The following OPCML variants were observed in gnomAD, a reference collection of about 807,000 sequenced individuals.
OPCML encodes opioid binding protein/cell adhesion molecule like, also known as opioid-binding protein/cell adhesion molecule.
In OPCML, 13 loss-of-function variants were observed where a neutral mutation model predicts 37.8. That is an observed-to-expected ratio of 0.34 (90% CI 0.22 to 0.55). OPCML has a LOEUF of 0.55. OPCML is among the 20% of genes least tolerant of loss of function. The probability of loss-of-function intolerance (pLI) is 0.91; values close to 1 mark genes in which losing one functional copy is unlikely to be tolerated. For missense variants in OPCML, 341 were observed against 435.6 expected (o/e 0.78, Z 1.93); for synonymous variants, 176 against 168.8 (o/e 1.04, Z -0.33).
At chr11:133,380,132 T>C (rs1165218763) in intron 1 of OPCML, among the ~76,000 whole-genome samples, 2 of 152,056 alleles carry the variant, frequency 1.3e-5, no homozygotes, top group Non-Finnish European at 2.9e-5. Context: ...AGGATGAAAA[T>C]ATAAATGACT....
chr11:132,953,910 TAG>T (rs1945918432), intron 1 of OPCML, among the ~76,000 whole-genome samples: 1 of 152,204 alleles, frequency 6.6e-6, no homozygotes, highest in Non-Finnish European at 1.5e-5. Flanking sequence ...GCTTGGCATA[TAG>T]GTGGTACTCC....
intron 2 of OPCML, among the ~76,000 whole-genome samples, chr11:132,795,862 GT>G (rs771035934): frequency 6.6e-6 from 1 of 152,194 alleles, no homozygotes; most frequent in Non-Finnish European, 1.5e-5. Flanking sequence ...TTGTAAGCTT[GT>G]GCTTATAACC....
chr11:132,643,254 G>A (rs1487595166), intron 3 of OPCML, among the ~76,000 whole-genome samples: 1 of 152,194 alleles, frequency 6.6e-6, no homozygotes, highest in African/African-American at 2.4e-5. Context: ...TCCAGCCTGG[G>A]TGACAGCGTG....
At chr11:132,868,951 C>T (rs1468009040) in intron 2 of OPCML, among the ~76,000 whole-genome samples, 1 of 152,174 alleles carries the variant, frequency 6.6e-6, no homozygotes, top group African/African-American at 2.4e-5. Flanking sequence ...GGGTGCTGCC[C>T]AGAGGATGCG....
chr11:132,917,843 A>T (rs889695560), intron 2 of OPCML, among the ~76,000 whole-genome samples: 2 of 152,124 alleles, frequency 1.3e-5, no homozygotes, highest in African/African-American at 4.8e-5. Context: ...GCCTACTTGG[A>T]TCATTTCAAA....
intron 1 of OPCML, among the ~76,000 whole-genome samples, chr11:133,037,095 C>T (rs1334498521): frequency 6.6e-6 from 1 of 152,114 alleles, no homozygotes; most frequent in South Asian, 2.1e-4. Context: ...GCTATCCAGT[C>T]CCCTAGAAGA....
rs1565645641 is a variant in OPCML at position 133,458,609 on chromosome 11, A to ACACATATATACACGTGTGTGTG, written c.61+73654_61+73655insCACACACACGTGTATATATGTG. ...CACATATATACACGTGTGTGTGTGT[A>ACACATATATACACGTGTGTGTG]TACACATATATACACGTGTGTGTGT... is the stretch of plus-strand genomic sequence containing the variant. On this transcript the variant is annotated intron_variant, in intron 1 of 7. Transcript: ENST00000524381. Among the ~76,000 whole-genome samples, 229 of 88,590 alleles carry ACACATATATACACGTGTGTGTG rather than the reference A, an allele frequency of 2.6e-3. 27 individuals carry two copies. The highest frequency in any genetic ancestry group is 4.0e-3 in the African/African-American group (49 of 12,144). 58.1% of individuals were successfully genotyped at this position (88,590 alleles called of 152,430 possible).
At chr11:132,931,926 A>G (rs373661615) in intron 2 of OPCML, among the ~76,000 whole-genome samples, 1 of 152,216 alleles carries the variant, frequency 6.6e-6, no homozygotes, top group South Asian at 2.1e-4. Flanking sequence ...ATGCAATAGA[A>G]CACAGCCTTA....
intron 1 of OPCML, among the ~76,000 whole-genome samples, chr11:133,335,649 A>G (rs1943729467): frequency 6.6e-6 from 1 of 152,198 alleles, no homozygotes; most frequent in African/African-American, 2.4e-5. Flanking sequence ...CAACACTGGA[A>G]TCGCCTCCTC....
intron 1 of OPCML, among the ~76,000 whole-genome samples, chr11:133,053,539 G>T (rs1471825912): frequency 6.6e-6 from 1 of 152,178 alleles, no homozygotes. Flanking sequence ...CTGTTGTCAA[G>T]ATCACCTAGG....
At chr11:132,680,008 A>AT (rs946955468) in intron 2 of OPCML, among the ~76,000 whole-genome samples, 11 of 151,992 alleles carry the variant, frequency 7.2e-5, no homozygotes, top group African/African-American at 2.4e-4. Context: ...TTATTCTTCA[A>AT]TTTTTTTTCT....
intron 2 of OPCML, among the ~76,000 whole-genome samples, chr11:132,738,130 G>A (rs1945319488): frequency 6.6e-6 from 1 of 152,200 alleles, no homozygotes; most frequent in South Asian, 2.1e-4. Flanking sequence ...AGAGTGGGAA[G>A]CATTGCTATT....
chr11:132,807,769 T>G (rs1042271468), intron 2 of OPCML, among the ~76,000 whole-genome samples: 9 of 152,186 alleles, frequency 5.9e-5, no homozygotes, highest in African/African-American at 2.2e-4. Context: ...GAATTTCCAC[T>G]CCCAGCTAAA....
At chr11:133,453,443 G>C (rs1266948215) in intron 1 of OPCML, among the ~76,000 whole-genome samples, 1 of 152,116 alleles carries the variant, frequency 6.6e-6, no homozygotes, top group East Asian at 1.9e-4. Flanking sequence ...CTTTTTCATA[G>C]GGTACAATTT....
At chr11:133,136,120 T>G (rs1473608300) in intron 1 of OPCML, among the ~76,000 whole-genome samples, 1 of 152,214 alleles carries the variant, frequency 6.6e-6, no homozygotes, top group Non-Finnish European at 1.5e-5. Flanking sequence ...GGATGTAGTG[T>G]TTGAGACTGA....
At chr11:133,289,104 G>C (rs1025124367) in intron 1 of OPCML, among the ~76,000 whole-genome samples, 2 of 152,180 alleles carry the variant, frequency 1.3e-5, no homozygotes, top group Non-Finnish European at 2.9e-5. Context: ...ATTATCCGAG[G>C]ATTAGATGAT....
chr11:132,454,539 C>T (rs1421833383), intron 4 of OPCML, among the ~76,000 whole-genome samples: 1 of 152,228 alleles, frequency 6.6e-6, no homozygotes, highest in East Asian at 1.9e-4. Flanking sequence ...CCACACACTG[C>T]TCACTGCGAC....
At chr11:132,465,024 T>C (rs2096115278) in intron 4 of OPCML, among the ~76,000 whole-genome samples, 1 of 152,242 alleles carries the variant, frequency 6.6e-6, no homozygotes, top group South Asian at 2.1e-4. Flanking sequence ...ATATGCTTAT[T>C]ATTTTTTAAC....
At chr11:132,435,134 G>A (rs1236139303) in intron 7 of OPCML, 2 of 1,240,442 alleles carry the variant, frequency 1.6e-6, no homozygotes, top group Non-Finnish European at 2.1e-6. Flanking sequence ...GCAGGCAGAG[G>A]TAGGAAGGAA....
Sources: allele counts gnomAD v4.1 joint callset (sites outside exome capture counted in the v4.1 genomes callset), GRCh38; gene constraint gnomAD v4.1.1; transcripts MANE v1.5; gene names NCBI Gene and HGNC (gene_info 2026-07-23, HGNC 2026-07-21).